The following MMADHC variants were observed in gnomAD, a reference collection of about 807,000 sequenced individuals.
MMADHC encodes the protein metabolism of cobalamin associated D.
A neutral mutation model predicts 36.3 loss-of-function variants in MMADHC; 23 were observed. That is an observed-to-expected ratio of 0.63 (90% CI 0.46 to 0.90). MMADHC has a LOEUF of 0.90. Ranked by LOEUF, MMADHC falls within the 40% of genes least tolerant of loss-of-function variation. The probability of loss-of-function intolerance (pLI) is 0.00; values close to 1 mark genes in which losing one functional copy is unlikely to be tolerated. For synonymous variants in MMADHC, 97 were observed against 116.1 expected (o/e 0.84, Z 1.06); for missense variants, 330 against 348.0 (o/e 0.95, Z 0.41).
intron 7 of MMADHC, 133 bp from the exon 8 acceptor site, chr2:149,570,301 C>G: frequency 1.3e-6 from 1 of 782,034 alleles, no homozygotes. Context: ...AAGTCACATG[C>G]AACACTTAAA....
chr2:149,570,848 G>A (rs1416151657), intron 7 of MMADHC, among the ~76,000 whole-genome samples: 1 of 152,070 alleles, frequency 6.6e-6, no homozygotes, highest in Non-Finnish European at 1.5e-5. Context: ...ATCTACTAGT[G>A]AGAGCAGAAA....
intron 6 of MMADHC, 51 bp from the exon 7 acceptor site, chr2:149,571,222 G>T: frequency 1.7e-6 from 2 of 1,143,762 alleles, no homozygotes; most frequent in Admixed American, 2.4e-5. Context: ...ACTAGAGATT[G>T]TTTTATTTTT....
Position 149,579,594 on chromosome 2 carries a change from T to TG in MMADHC, c.208dup (p.Gln70ProfsTer12), listed in dbSNP as rs1682766948. 1.9e-6 allele frequency: 3 copies of TG among 1,613,928 alleles called. No homozygotes were observed. ...TATGTTCCCAGGAAGCTGGAACCTCTGATCTTGAGGTCCAAAGGGTCCCAT... is the reference window on the plus strand; with the variant it reads ...TATGTTCCCAGGAAGCTGGAACCTCTGGATCTTGAGGTCCAAAGGGTCCCAT... On this transcript the variant is annotated frameshift_variant, in exon 4 of 8. Coordinates refer to ENST00000303319, the MANE Select transcript of MMADHC (RefSeq NM_015702.3). LOFTEE classifies it high-confidence loss of function.
intron 2 of MMADHC, among the ~76,000 whole-genome samples, chr2:149,583,742 T>C (rs1310677331): frequency 6.6e-6 from 1 of 152,198 alleles, no homozygotes; most frequent in East Asian, 1.9e-4. Context: ...CCTTCCTCCT[T>C]TGTCACTATG....
chr2:149,573,814 CA>C (rs1214963708), intron 6 of MMADHC, among the ~76,000 whole-genome samples: 2 of 151,766 alleles, frequency 1.3e-5, no homozygotes, highest in African/African-American at 4.8e-5. Context: ...ACAAGGAGAG[CA>C]AAACAATGAA....
chr2:149,582,288 A>G lies in MMADHC; in HGVS notation c.10-17T>C. 6.2e-7 allele frequency: 1 copy of G among 1,612,308 alleles called. No individual in the cohort carries two copies. The highest frequency in any genetic ancestry group is 8.5e-7 in the Non-Finnish European group (1 of 1,178,706). On this transcript the variant is annotated splice_polypyrimidine_tract_variant and intron_variant, in intron 2 of 7. Transcript: ENST00000303319. ...ACAAAGCACCTAGAAATGACACAAA[A>G]TTAAAACTATTTGTTCTGAATATAA...
intron 5 of MMADHC, 56 bp downstream of exon 5, chr2:149,576,381 A>C: frequency 8.7e-7 from 1 of 1,152,578 alleles, no homozygotes; most frequent in Non-Finnish European, 1.3e-6. Flanking sequence ...AGAGTACATT[A>C]TTCAACATAT....
In MMADHC at chr2:149,579,700, G is replaced by T. The variant is rs761382925; in HGVS notation, c.155-52C>A. ...TTTCTCCTTAATAGTCAAGTATATTGGTAGACTGAAAGAATGCTCTTCTTA... is the reference window on the plus strand; with the variant it reads ...TTTCTCCTTAATAGTCAAGTATATTTGTAGACTGAAAGAATGCTCTTCTTA... On this transcript the variant is annotated intron_variant, in intron 3 of 7. Coordinates refer to ENST00000303319, the MANE Select transcript of MMADHC (RefSeq NM_015702.3). 10 of 1,405,378 alleles carry T rather than the reference G, an allele frequency of 7.1e-6. No homozygotes were observed. The South Asian group carries it at 1.2e-4, about 17-fold the overall frequency. The allele number at this position is 1,405,378 out of a possible 1,614,324, so 87.1% of individuals were successfully genotyped here. A position where few individuals can be genotyped will look rare whatever the true frequency, so the allele number is the denominator to read the frequency against.
At chr2:149,571,254 T>C (rs992252628) in intron 6 of MMADHC, 83 bp from the exon 7 acceptor site, 10 of 874,984 alleles carry the variant, frequency 1.1e-5, no homozygotes, top group Non-Finnish European at 1.7e-5. Context: ...TAAGTGACTA[T>C]CTTGTTTCAG....
In MMADHC at chr2:149,570,046, A is replaced by C. The variant is rs752425275; in HGVS notation, c.819T>G (p.His273Gln). 2 of 1,613,798 alleles carry C rather than the reference A, an allele frequency of 1.2e-6. No individual in the cohort carries two copies. Among genetic ancestry groups the C allele is most frequent in the Non-Finnish European group, 1.7e-6 (2 of 1,179,754 alleles). ...KVIRHSLWGT[H>Q]VVVGSIFTNA... ...TAGTGAAGATACTCCCTACAACTAC[A>C]TGGGTACCCCAGAGACTATGACGAA... The change falls in exon 8 of 8, where the codon CAT becomes CAG. Residue 273 changes from histidine (H) to glutamine (Q), a missense_variant. Coordinates refer to ENST00000303319, the MANE Select transcript of MMADHC (RefSeq NM_015702.3).
chr2:149,575,077 A>T (rs1200630047), intron 6 of MMADHC, among the ~76,000 whole-genome samples: 7 of 152,222 alleles, frequency 4.6e-5, no homozygotes, highest in Non-Finnish European at 1.0e-4. Flanking sequence ...TACAGGCGTG[A>T]GCCACTGCAC....
rs149415933 is a variant in MMADHC, at chr2:149,575,284, C to T, written c.609+427G>A. ...ACTATTATTGTACTGCATACTGTTACTGTTTACTCTTGGAGAGAACTGGCA... is the reference window on the plus strand; with the variant it reads ...ACTATTATTGTACTGCATACTGTTATTGTTTACTCTTGGAGAGAACTGGCA... On this transcript the variant is annotated intron_variant, in intron 6 of 7. Coordinates refer to ENST00000303319, the MANE Select transcript of MMADHC (RefSeq NM_015702.3). Among the ~76,000 whole-genome samples, 429 of 151,822 alleles carry T rather than the reference C, an allele frequency of 2.8e-3. 3 individuals carry two copies. The highest frequency in any genetic ancestry group is 1.0e-2 in the African/African-American group (412 of 41,340).
rs192001896 is a variant in MMADHC at position 149,579,409 on chromosome 2, A to G, written c.372+22T>C. 2,844 of 1,589,272 alleles carry G rather than the reference A, an allele frequency of 1.8e-3. 4 individuals carry two copies. The highest frequency in any genetic ancestry group is 2.2e-3 in the Non-Finnish European group (2,595 of 1,159,306). ...TAGCATTAATAATCAGGAAAGCACA[A>G]TAAATGTTACCAACAATTTACCTGA... On this transcript the variant is annotated intron_variant, in intron 4 of 7. Transcript: ENST00000303319.
chr2:149,570,203 A>C (rs1412187367), intron 7 of MMADHC, 35 bp from the exon 8 acceptor site: 1 of 1,534,654 alleles, frequency 6.5e-7, no homozygotes, highest in Non-Finnish European at 9.0e-7. Context: ...CTCATTAGTA[A>C]GAAAGACATT....
At chr2:149,575,632 G>A in intron 6 of MMADHC, 79 bp downstream of exon 6, 2 of 1,179,068 alleles carry the variant, frequency 1.7e-6, no homozygotes, top group Non-Finnish European at 2.4e-6. Context: ...GGAAATGACA[G>A]TCATCATTTT....
chr2:149,572,967 T>C (rs1297732253), intron 6 of MMADHC, among the ~76,000 whole-genome samples: 1 of 152,212 alleles, frequency 6.6e-6, no homozygotes, highest in Non-Finnish European at 1.5e-5. Context: ...ATCCGGTGCC[T>C]GTTTGGATAA....
chr2:149,587,203 A>AGG, intron 1 of MMADHC, 54 bp from the exon 2 acceptor site: 1 of 1,093,622 alleles, frequency 9.1e-7, no homozygotes. Flanking sequence ...CTAACAACAG[A>AGG]CAACTGAGGT....
At chr2:149,575,142 A>G (rs1682694560) in intron 6 of MMADHC, among the ~76,000 whole-genome samples, 1 of 152,188 alleles carries the variant, frequency 6.6e-6, no homozygotes, top group Non-Finnish European at 1.5e-5. Flanking sequence ...TGTGATATTA[A>G]TACTATGCAG....
In MMADHC at chr2:149,579,613, G is replaced by C; in HGVS notation, c.190C>G (p.Pro64Ala). The part of the protein sequence containing the change: ...RTVWPDETMG[P>A]FGPQDQRFQL... ...AACCTCTGATCTTGAGGTCCAAAGG[G>C]TCCCATAGTTTCATCAGGCCACACT... Residue 64 changes from proline to alanine, a missense_variant, in exon 4 of 8, where the codon CCC (proline) becomes GCC (alanine). Pro to Ala is a conservative substitution (Grantham distance 27). Coordinates refer to ENST00000303319, the MANE Select transcript of MMADHC (RefSeq NM_015702.3). 6.2e-7 allele frequency: 1 copy of C among 1,613,924 alleles called. No homozygotes were observed. Among genetic ancestry groups the C allele is most frequent in the Non-Finnish European group, 8.5e-7 (1 of 1,179,956 alleles).
Sources: gnomAD v4.1 joint callset for allele counts (sites outside exome capture counted in the v4.1 genomes callset) on GRCh38, gnomAD v4.1.1 for gene constraint, MANE v1.5 for transcripts, NCBI Gene and HGNC (gene_info 2026-07-23, HGNC 2026-07-21) for gene names.